The following MEMO1 variants were observed in gnomAD, a reference collection of about 807,000 sequenced individuals.
MEMO1 encodes the protein mediator of cell motility 1.
In MEMO1, 6 loss-of-function variants were observed where a neutral mutation model predicts 45.2. The ratio of observed to expected loss-of-function variants is 0.13; its 90% CI spans 0.07 to 0.26. The LOEUF (loss-of-function observed/expected upper bound fraction) is 0.26, where lower values mean the gene tolerates loss of function less well. Ranked by LOEUF, MEMO1 falls within the 10% of genes least tolerant of loss-of-function variation. The pLI is 1.00. For synonymous variants in MEMO1, 78 were observed against 124.3 expected (o/e 0.63, Z 2.48); for missense variants, 184 against 370.5 (o/e 0.50, Z 4.13).
intron 2 of MEMO1, among the ~76,000 whole-genome samples, chr2:32,000,151 G>T (rs1295197619): frequency 6.6e-6 from 1 of 151,876 alleles, no homozygotes; most frequent in Non-Finnish European, 1.5e-5. Context: ...CTCCCAAAGT[G>T]CTGGGATCAC....
intron 2 of MEMO1, among the ~76,000 whole-genome samples, chr2:32,005,873 T>C (rs570862503): frequency 1.3e-5 from 2 of 152,324 alleles, no homozygotes; most frequent in South Asian, 4.1e-4. Flanking sequence ...TTACCTCATA[T>C]ACAGGTAACA....
chr2:31,980,544 C>T (rs1270525028), intron 2 of MEMO1, among the ~76,000 whole-genome samples: 1 of 152,012 alleles, frequency 6.6e-6, no homozygotes, highest in African/African-American at 2.4e-5. Context: ...ATTACTTGAA[C>T]TCTGTCATTT....
At chr2:31,995,170 G>A (rs1485998403) in intron 2 of MEMO1, among the ~76,000 whole-genome samples, 2 of 152,060 alleles carry the variant, frequency 1.3e-5, no homozygotes, top group African/African-American at 2.4e-5. Flanking sequence ...TAAGAGAATT[G>A]GCCAGGGACG....
chr2:31,868,329 T>A lies in MEMO1; in HGVS notation c.*32A>T. On this transcript the variant is annotated 3_prime_UTR_variant, in exon 10 of 10. Coordinates refer to ENST00000404530, the MANE Select transcript of MEMO1 (RefSeq NM_001301833.4). ...TGGGACCCCGGACAGAGTATGAGAATGTGCAGGTGGCATCCCTGAGGATTC... is the reference window on the plus strand; with the variant it reads ...TGGGACCCCGGACAGAGTATGAGAAAGTGCAGGTGGCATCCCTGAGGATTC... 5 of 1,510,514 alleles carry A rather than the reference T, an allele frequency of 3.3e-6. No homozygotes were observed. Among genetic ancestry groups the A allele is most frequent in the Non-Finnish European group, 4.4e-6 (5 of 1,129,444 alleles). 93.6% of individuals were successfully genotyped at this position (1,510,514 alleles called of 1,614,324 possible).
intron 4 of MEMO1, chr2:31,923,471 TA>T (rs936212077): frequency 1.4e-6 from 1 of 706,852 alleles, no homozygotes; most frequent in Non-Finnish European, 2.1e-6. Context: ...GTCAAATCTA[TA>T]GATTTCTAAA....
At chr2:31,951,517 G>GTTTTT (rs201608134) in intron 2 of MEMO1, among the ~76,000 whole-genome samples, 2 of 139,170 alleles carry the variant, frequency 1.4e-5, no homozygotes, top group African/African-American at 2.6e-5. Context: ...TCACTTAATG[G>GTTTTT]TTTTTTTTTT....
At chr2:31,926,846 CA>C (rs538999946) in intron 4 of MEMO1, among the ~76,000 whole-genome samples, 10 of 136,576 alleles carry the variant, frequency 7.3e-5, no homozygotes, top group Non-Finnish European at 4.8e-5. Flanking sequence ...AACTCTGCCT[CA>C]AAAAAAAAAG....
chr2:31,933,820 C>T (rs1330844440), intron 3 of MEMO1, among the ~76,000 whole-genome samples: 1 of 152,116 alleles, frequency 6.6e-6, no homozygotes, highest in Non-Finnish European at 1.5e-5. Flanking sequence ...ATTCTCACAA[C>T]CCAGTTCTGA....
At position 31,893,932 on chromosome 2, in the gene MEMO1, T is replaced by C. The variant is rs548078104; in HGVS notation, c.438-1798A>G. On this transcript the variant is annotated intron_variant, in intron 6 of 9. Transcript: ENST00000404530. ...CGAGGCTCATTTATCCACCCCTCTG[T>C]CATCTCTCTTTTAAAAAATTACTTG... is the stretch of plus-strand genomic sequence containing the variant. Among the ~76,000 whole-genome samples the C allele has an allele frequency of 3.9e-5, 6 of 152,298 alleles. No homozygotes were observed. In the East Asian group the frequency reaches 1.2e-3, roughly 29 times the overall value.
In MEMO1 at chr2:31,872,326, A is replaced by G. The variant is rs78473034; in HGVS notation, c.658-2374T>C. ...TACTAACAATTCTTTGAACACTTAC[A>G]TAGCTACAACTTGCATACATGTTGT... On this transcript the variant is annotated intron_variant, in intron 8 of 9. Transcript: ENST00000404530. 1.7e-3 allele frequency among the ~76,000 whole-genome samples: 258 copies of G among 152,318 alleles called. 2 individuals carry two copies. Among genetic ancestry groups the G allele is most frequent in the Non-Finnish European group, 2.3e-3 (156 of 68,024 alleles).
At chr2:31,979,424 A>G (rs1670389494) in intron 2 of MEMO1, among the ~76,000 whole-genome samples, 2 of 152,184 alleles carry the variant, frequency 1.3e-5, no homozygotes, top group Non-Finnish European at 1.5e-5. Flanking sequence ...TGCTGTCTCT[A>G]AAAGTTAACT....
chr2:31,907,395 T>C (rs1435837699), intron 6 of MEMO1, among the ~76,000 whole-genome samples: 2 of 152,230 alleles, frequency 1.3e-5, no homozygotes, highest in Admixed American at 6.5e-5. Flanking sequence ...ATTAGTACAA[T>C]TAGGTACATC....
intron 3 of MEMO1, among the ~76,000 whole-genome samples, chr2:31,936,105 A>G (rs542236170): frequency 6.6e-6 from 1 of 152,180 alleles, no homozygotes; most frequent in African/African-American, 2.4e-5. Context: ...CTGGGACTAC[A>G]GGCATCCGTC....
intron 2 of MEMO1, among the ~76,000 whole-genome samples, chr2:31,955,193 C>CAAAAA (rs1000212577): frequency 7.3e-6 from 1 of 136,650 alleles, no homozygotes; most frequent in Non-Finnish European, 1.6e-5. Context: ...GACCCTGTCT[C>CAAAAA]AAAAAAAAAA....
intron 2 of MEMO1, among the ~76,000 whole-genome samples, chr2:31,961,563 G>C (rs1217213539): frequency 6.6e-6 from 1 of 151,600 alleles, no homozygotes; most frequent in Non-Finnish European, 1.5e-5. Context: ...CGGATTTCAA[G>C]ACCAGCCTGG....
chr2:31,943,195 G>T, intron 3 of MEMO1, 107 bp downstream of exon 3: 1 of 812,926 alleles, frequency 1.2e-6, no homozygotes, highest in Non-Finnish European at 2.1e-6. Flanking sequence ...AACCTGGGAG[G>T]CGGAGGTTGC....
intron 6 of MEMO1, among the ~76,000 whole-genome samples, chr2:31,907,786 A>AACACACACACACACAC (rs3065385): frequency 6.9e-6 from 1 of 145,308 alleles, no homozygotes; most frequent in Non-Finnish European, 1.5e-5. Context: ...CCGTGTCTTA[A>AACACACACACACACAC]ACACACACAC....
intron 2 of MEMO1, among the ~76,000 whole-genome samples, chr2:31,960,234 T>A (rs959936333): frequency 6.6e-6 from 1 of 152,052 alleles, no homozygotes; most frequent in Admixed American, 6.6e-5. Context: ...TTTCTGCACA[T>A]TCACATTAAA....
At chr2:31,986,542 C>A (rs1052702837) in intron 2 of MEMO1, among the ~76,000 whole-genome samples, 1 of 152,122 alleles carries the variant, frequency 6.6e-6, no homozygotes, top group Non-Finnish European at 1.5e-5. Flanking sequence ...AAATAATTTT[C>A]TTTCATATAT....
Sources: allele counts gnomAD v4.1 joint callset (sites outside exome capture counted in the v4.1 genomes callset), GRCh38; gene constraint gnomAD v4.1.1; transcripts MANE v1.5; gene names NCBI Gene and HGNC (gene_info 2026-07-23, HGNC 2026-07-21).